APBB2: variants seen among roughly 807,000 people sequenced by gnomAD.
The protein encoded by APBB2 is amyloid beta precursor protein binding family B member 2, also known as Fe65-like 1.
In APBB2, 38 loss-of-function variants were observed where a neutral mutation model predicts 82.5. The ratio of observed to expected loss-of-function variants is 0.46; its 90% CI spans 0.36 to 0.60. The LOEUF (loss-of-function observed/expected upper bound fraction) is 0.60. Ranked by LOEUF, APBB2 falls within the 20% of genes least tolerant of loss-of-function variation. APBB2 has a pLI of 0.00. For synonymous variants in APBB2, 341 were observed against 368.2 expected (o/e 0.93, Z 0.85); for missense variants, 772 against 972.3 (o/e 0.79, Z 2.74).
intron 4 of APBB2, among the ~76,000 whole-genome samples, chr4:41,051,832 C>T (rs576806770): frequency 7.6e-4 from 116 of 152,300 alleles, no homozygotes; most frequent in Middle Eastern, 6.8e-3. Context: ...TGGGCCACCC[C>T]GGTTTGAATT....
chr4:41,124,736 TG>T (rs1753898801), intron 2 of APBB2, among the ~76,000 whole-genome samples: 1 of 152,224 alleles, frequency 6.6e-6, no homozygotes, highest in Non-Finnish European at 1.5e-5. Flanking sequence ...TATAATTGGC[TG>T]GAAAAATAGT....
chr4:41,110,527 C>T (rs962559078), intron 2 of APBB2, among the ~76,000 whole-genome samples: 6 of 150,476 alleles, frequency 4.0e-5, no homozygotes, highest in South Asian at 2.1e-4. Flanking sequence ...CACTTGAGCC[C>T]GGGAGGCAGA....
chr4:41,022,581 C>G (rs1712088242), intron 5 of APBB2, among the ~76,000 whole-genome samples: 1 of 152,198 alleles, frequency 6.6e-6, no homozygotes, highest in Admixed American at 6.5e-5. Context: ...ACAATTCTCA[C>G]ACCTTCATAA....
chr4:41,006,386 G>A (rs544046274), intron 6 of APBB2, among the ~76,000 whole-genome samples: 5 of 152,294 alleles, frequency 3.3e-5, no homozygotes, highest in African/African-American at 9.6e-5. Context: ...AGTCACCCAA[G>A]GTCCTTAAAA....
intron 3 of APBB2, among the ~76,000 whole-genome samples, chr4:41,081,061 C>T (rs991716477): frequency 1.3e-5 from 2 of 152,226 alleles, no homozygotes; most frequent in Admixed American, 6.5e-5. Context: ...ACCACACATT[C>T]TTCTACGTAG....
At chr4:40,914,760 G>T (rs182283705) in intron 10 of APBB2, among the ~76,000 whole-genome samples, 3 of 152,094 alleles carry the variant, frequency 2.0e-5, no homozygotes, top group South Asian at 4.2e-4. Flanking sequence ...TTCAATTGCC[G>T]CAAATGATGA....
chr4:40,871,432 A>G (rs1245337243), intron 12 of APBB2, among the ~76,000 whole-genome samples: 1 of 152,238 alleles, frequency 6.6e-6, no homozygotes, highest in Non-Finnish European at 1.5e-5. Flanking sequence ...GGCATGAGCC[A>G]CCGCACCCGG....
intron 6 of APBB2, among the ~76,000 whole-genome samples, chr4:40,975,984 C>A (rs947859653): frequency 6.6e-6 from 1 of 151,448 alleles, no homozygotes; most frequent in Non-Finnish European, 1.5e-5. Context: ...CTTTTTTTCC[C>A]CACACAATAT....
chr4:41,072,124 A>C (rs1029975147), intron 3 of APBB2, among the ~76,000 whole-genome samples: 1 of 152,234 alleles, frequency 6.6e-6, no homozygotes, highest in Non-Finnish European at 1.5e-5. Flanking sequence ...CCAAGGGGAA[A>C]TCCAAGTTAC....
chr4:40,922,385 CTGT>C (rs1286229233), intron 10 of APBB2, among the ~76,000 whole-genome samples: 1 of 152,194 alleles, frequency 6.6e-6, no homozygotes, highest in African/African-American at 2.4e-5. Context: ...CTGCAGACTG[CTGT>C]TGAGAGCTGC....
At chr4:41,167,397 A>G (rs1057081114) in intron 1 of APBB2, among the ~76,000 whole-genome samples, 3 of 152,168 alleles carry the variant, frequency 2.0e-5, no homozygotes, top group East Asian at 1.9e-4. Flanking sequence ...ACCAGGCTCA[A>G]CCTGAAGATA....
chr4:41,105,508 T>C (rs1560764780), intron 2 of APBB2, among the ~76,000 whole-genome samples: 1 of 152,098 alleles, frequency 6.6e-6, no homozygotes. Context: ...TGCACAATGA[T>C]TGTTTTGGAA....
intron 12 of APBB2, among the ~76,000 whole-genome samples, chr4:40,844,092 T>C (rs2154316933): frequency 6.6e-6 from 1 of 152,332 alleles, no homozygotes; most frequent in East Asian, 1.9e-4. Context: ...GGTGAACTTT[T>C]GTAGGGAAAG....
intron 6 of APBB2, among the ~76,000 whole-genome samples, chr4:40,961,436 T>C (rs980871035): frequency 3.1e-5 from 4 of 130,912 alleles, no homozygotes; most frequent in African/African-American, 1.2e-4. Flanking sequence ...TAGGTGGGAA[T>C]TGAACAATGA....
At chr4:41,106,038 ACT>A (rs1471088023) in intron 2 of APBB2, among the ~76,000 whole-genome samples, 1 of 152,060 alleles carries the variant, frequency 6.6e-6, no homozygotes, top group African/African-American at 2.4e-5. Flanking sequence ...CCTTACACTG[ACT>A]CTGAAAATAC....
At chr4:41,182,892 TG>T (rs1282526433) in intron 1 of APBB2, among the ~76,000 whole-genome samples, 7 of 152,198 alleles carry the variant, frequency 4.6e-5, no homozygotes, top group African/African-American at 1.7e-4. Flanking sequence ...CCTTGACATG[TG>T]GGAATTATGG....
At chr4:40,957,299 G>C (rs541062532) in intron 6 of APBB2, among the ~76,000 whole-genome samples, 3 of 152,000 alleles carry the variant, frequency 2.0e-5, no homozygotes, top group African/African-American at 7.2e-5. Context: ...TGATTTCTGA[G>C]AGTCTGCAAC....
At chr4:40,824,082 G>A (rs1196192180) in intron 15 of APBB2, among the ~76,000 whole-genome samples, 1 of 152,074 alleles carries the variant, frequency 6.6e-6, no homozygotes, top group Non-Finnish European at 1.5e-5. Flanking sequence ...AACCCAGGAG[G>A]CGGAGGCTGC....
intron 2 of APBB2, among the ~76,000 whole-genome samples, chr4:41,104,297 G>C (rs961848306): frequency 6.6e-6 from 1 of 152,086 alleles, no homozygotes; most frequent in Non-Finnish European, 1.5e-5. Context: ...CAAAAACAGT[G>C]ACTCTTTTAG....
Sources: allele counts gnomAD v4.1 joint callset (sites outside exome capture counted in the v4.1 genomes callset), GRCh38; gene constraint gnomAD v4.1.1; transcripts MANE v1.5; gene names NCBI Gene and HGNC (gene_info 2026-07-23, HGNC 2026-07-21).